Variants in LRP1B observed in about 807,000 individuals in gnomAD.
LRP1B encodes low-density lipoprotein receptor-related protein 1B.
A neutral mutation model predicts 556.6 loss-of-function variants in LRP1B; 217 were observed. The ratio of observed to expected loss-of-function variants is 0.39; its 90% CI spans 0.35 to 0.44. The LOEUF (loss-of-function observed/expected upper bound fraction) is 0.44. LRP1B is among the 20% of genes least tolerant of loss of function. LRP1B has a pLI of 1.00. For synonymous variants in LRP1B, 2,047 were observed against 1,865.8 expected, an observed-to-expected ratio of 1.10 and a Z score of -2.50; for missense variants, 5,053 against 5,620.8, an observed-to-expected ratio of 0.90 and a Z score of 3.23.
At chr2:140,343,840 T>G (rs901614085) in intron 77 of LRP1B, among the ~76,000 whole-genome samples, 1 of 151,668 alleles carries the variant, frequency 6.6e-6, no homozygotes, top group Non-Finnish European at 1.5e-5. Context: ...AAAGGGTACT[T>G]ACTATATACA....
chr2:141,958,113 G>T (rs1012408621), intron 1 of LRP1B, among the ~76,000 whole-genome samples: 1 of 151,938 alleles, frequency 6.6e-6, no homozygotes, highest in Non-Finnish European at 1.5e-5. Context: ...ACACTTCAGG[G>T]GTGAATTAGT....
intron 31 of LRP1B, among the ~76,000 whole-genome samples, chr2:140,829,099 G>A (rs1691627133): frequency 6.6e-6 from 1 of 152,012 alleles, no homozygotes; most frequent in Non-Finnish European, 1.5e-5. Flanking sequence ...AAATATATAT[G>A]CATCCAACAC....
intron 17 of LRP1B, among the ~76,000 whole-genome samples, chr2:140,986,561 C>T (rs541156829): frequency 7.9e-5 from 12 of 152,144 alleles, no homozygotes; most frequent in Admixed American, 7.9e-4. Flanking sequence ...GGAACTGTCA[C>T]TTAGGAATTT....
chr2:142,030,121 G>T (rs750291807), intron 1 of LRP1B, among the ~76,000 whole-genome samples: 1 of 151,506 alleles, frequency 6.6e-6, no homozygotes, highest in Non-Finnish European at 1.5e-5. Flanking sequence ...TCATATATGC[G>T]TGTATTCTAC....
intron 3 of LRP1B, among the ~76,000 whole-genome samples, chr2:141,329,008 A>G (rs948436107): frequency 5.9e-5 from 9 of 152,324 alleles, no homozygotes; most frequent in Admixed American, 4.6e-4. Flanking sequence ...CATGTCAGCA[A>G]TCTCTGAAAT....
chr2:141,879,281 T>C (rs1371147513), intron 1 of LRP1B, among the ~76,000 whole-genome samples: 2 of 151,826 alleles, frequency 1.3e-5, no homozygotes, highest in East Asian at 3.9e-4. Flanking sequence ...TATCTAAAAA[T>C]ATACTTGGGT....
At chr2:140,328,736 A>AAT (rs1680630335) in intron 79 of LRP1B, among the ~76,000 whole-genome samples, 4 of 152,096 alleles carry the variant, frequency 2.6e-5, no homozygotes, top group African/African-American at 9.7e-5. Flanking sequence ...TTTATTTTAA[A>AAT]AAATTGTTAG....
At chr2:140,598,525 G>T in intron 43 of LRP1B, 106 bp downstream of exon 43, 1 of 776,248 alleles carries the variant, frequency 1.3e-6, no homozygotes, top group Non-Finnish European at 2.1e-6. Flanking sequence ...CAATCAACTG[G>T]CTATTTTGAA....
chr2:141,070,490 G>A (rs1699608030), intron 7 of LRP1B, among the ~76,000 whole-genome samples: 1 of 151,792 alleles, frequency 6.6e-6, no homozygotes, highest in African/African-American at 2.4e-5. Flanking sequence ...CAGAAGGCAA[G>A]AAATAACTAA....
At chr2:141,618,997 AG>A (rs1310992470) in intron 2 of LRP1B, among the ~76,000 whole-genome samples, 2 of 152,216 alleles carry the variant, frequency 1.3e-5, no homozygotes, top group Non-Finnish European at 2.9e-5. Flanking sequence ...TTTATAGGGA[AG>A]TTTCAAGGAT....
intron 1 of LRP1B, among the ~76,000 whole-genome samples, chr2:142,030,942 A>G (rs1317380712): frequency 6.6e-6 from 1 of 151,870 alleles, no homozygotes; most frequent in Non-Finnish European, 1.5e-5. Context: ...ACCTATTTTT[A>G]TCTCAGCTGA....
At chr2:141,816,967 C>T (rs933830122) in intron 1 of LRP1B, among the ~76,000 whole-genome samples, 29 of 152,008 alleles carry the variant, frequency 1.9e-4, no homozygotes, top group Non-Finnish European at 1.5e-5. Flanking sequence ...CTATATAAAC[C>T]ACCTATGTAT....
At chr2:140,323,575 C>A (rs1021009959) in intron 81 of LRP1B, among the ~76,000 whole-genome samples, 2 of 143,408 alleles carry the variant, frequency 1.4e-5, no homozygotes, top group Non-Finnish European at 3.2e-5. Context: ...GCACATTGTG[C>A]ACATGTACCC....
At chr2:140,560,035 T>C (rs1680873136) in intron 43 of LRP1B, among the ~76,000 whole-genome samples, 1 of 152,150 alleles carries the variant, frequency 6.6e-6, no homozygotes, top group African/African-American at 2.4e-5. Flanking sequence ...TACAGTGGAA[T>C]AAAATGTCAC....
At chr2:141,380,747 A>G (rs1259000634) in intron 3 of LRP1B, among the ~76,000 whole-genome samples, 1 of 152,192 alleles carries the variant, frequency 6.6e-6, no homozygotes, top group African/African-American at 2.4e-5. Flanking sequence ...GCTGGACCAC[A>G]CATGTAGCAC....
chr2:141,319,248 G>C (rs985265979), intron 3 of LRP1B, among the ~76,000 whole-genome samples: 6 of 146,546 alleles, frequency 4.1e-5, no homozygotes, highest in Admixed American at 6.8e-5. Context: ...TTTACCCTTT[G>C]ACCATTAATA....
rs1404969707 is a variant in LRP1B at position 141,062,040 on chromosome 2, A to G, written c.1236+11T>C. The G allele has an allele frequency of 6.2e-7, 1 of 1,606,922 alleles. No homozygotes were observed. The highest frequency in any genetic ancestry group is 1.7e-5 in the Admixed American group (1 of 59,774). ...TACCCTAGGAGCGTTGTCTAACAAAATTGTACTTACTTGTCTGCCTTGAAT... is the reference window on the plus strand; with the variant it reads ...TACCCTAGGAGCGTTGTCTAACAAAGTTGTACTTACTTGTCTGCCTTGAAT... On this transcript the variant is annotated intron_variant, in intron 8 of 90. Transcript: ENST00000389484.
intron 7 of LRP1B, among the ~76,000 whole-genome samples, chr2:141,133,335 G>C (rs1701409428): frequency 7.6e-6 from 1 of 132,398 alleles, no homozygotes; most frequent in Admixed American, 7.7e-5. Flanking sequence ...TGATATATTA[G>C]CATTTTCTTT....
chr2:141,562,638 G>C (rs1483151), intron 2 of LRP1B, among the ~76,000 whole-genome samples: 4,266 of 151,996 alleles, frequency 0.028, 216 homozygotes, highest in African/African-American at 0.095. Context: ...GGCAGAGAAA[G>C]TTGCACAACC....
Sources: gnomAD v4.1 joint callset for allele counts (sites outside exome capture counted in the v4.1 genomes callset) on GRCh38, gnomAD v4.1.1 for gene constraint, MANE v1.5 for transcripts, NCBI Gene and HGNC (gene_info 2026-07-23, HGNC 2026-07-21) for gene names.